The following COL14A1 variants were observed in gnomAD, a reference collection of about 807,000 sequenced individuals.
The protein encoded by COL14A1 is collagen type XIV alpha 1 chain.
COL14A1 carries 136 observed loss-of-function variants against 230.3 expected under a neutral mutation model. The ratio of observed to expected loss-of-function variants is 0.59; its 90% CI spans 0.51 to 0.68. The LOEUF (loss-of-function observed/expected upper bound fraction) is 0.68, where lower values mean the gene tolerates loss of function less well. Among genes scored for constraint, COL14A1 ranks in the 30% least tolerant of loss-of-function variants. The pLI is 0.00. For missense variants in COL14A1, 1,976 were observed against 2,215.8 expected (o/e 0.89, Z 2.17); for synonymous variants, 792 against 784.1 (o/e 1.01, Z -0.17).
Position 120,280,967 on chromosome 8 carries a change from A to C in COL14A1, c.3732A>C (p.Ser1244=), listed in dbSNP as rs1247673055. 1 of 1,608,980 alleles carries C rather than the reference A, an allele frequency of 6.2e-7. No individual in the cohort carries two copies. The highest frequency in any genetic ancestry group is 1.4e-5 in the African/African-American group (1 of 74,048). The part of the protein sequence containing the change: ...EMFGLVEKDF[S]SVEGVSMEPG... ...TTGGTTTGGTTGAAAAAGATTTTTC[A>C]TCAGTGGAAGGGGTTTCTATGGAGC... is the stretch of plus-strand genomic sequence containing the variant. Residue 1244 remains serine, a synonymous_variant, in exon 31 of 48, where the codon TCA becomes TCC. Transcript: ENST00000297848.
At chr8:120,354,386 T>G (rs1304313770) in intron 45 of COL14A1, among the ~76,000 whole-genome samples, 2 of 99,756 alleles carry the variant, frequency 2.0e-5, no homozygotes, top group African/African-American at 1.1e-4. Flanking sequence ...AAACTTAAAG[T>G]ATAATTAAAA....
intron 23 of COL14A1, among the ~76,000 whole-genome samples, chr8:120,259,124 C>A (rs1042106837): frequency 6.6e-6 from 1 of 152,126 alleles, no homozygotes; most frequent in Non-Finnish European, 1.5e-5. Flanking sequence ...ACCAGGTCCA[C>A]AGAAAGCATC....
chr8:120,270,172 C>T lies in COL14A1; in HGVS notation c.3211C>T (p.Gln1071Ter). Residue 1071 changes from glutamine to a stop codon, truncating the protein, a stop_gained and splice_region_variant, in exon 26 of 48, where the codon CAA (glutamine) becomes TAA (stop). Transcript: ENST00000297848. LOFTEE classifies it high-confidence loss of function. ...GAACAAGATTGGCACAGATGGAACC[C>T]AAGTAAGGCTAATAAATAATTAATT... ...ALNKIGTDGT[Q>*]VAMVQFTDDP... 1 of 1,608,178 alleles carries T rather than the reference C, an allele frequency of 6.2e-7. No individual in the cohort carries two copies. Among genetic ancestry groups the T allele is most frequent in the Non-Finnish European group, 8.5e-7 (1 of 1,176,988 alleles).
intron 3 of COL14A1, among the ~76,000 whole-genome samples, chr8:120,159,720 C>T (rs995994748): frequency 6.6e-6 from 1 of 152,046 alleles, no homozygotes; most frequent in African/African-American, 2.4e-5. Flanking sequence ...GACTGAGTTT[C>T]GCTCTTTGTT....
intron 5 of COL14A1, among the ~76,000 whole-genome samples, chr8:120,184,201 GGT>G (rs898402440): frequency 1.4e-5 from 2 of 147,386 alleles, no homozygotes; most frequent in Admixed American, 6.7e-5. Flanking sequence ...ATGTGTTTGT[GGT>G]GTGTGTGTGG....
chr8:120,280,850 A>G, intron 30 of COL14A1, 71 bp from the exon 31 acceptor site: 1 of 1,477,960 alleles, frequency 6.8e-7, no homozygotes. Context: ...ATAGAAAAAT[A>G]TTAAAATTTA....
At chr8:120,176,075 C>G (rs963352093) in intron 5 of COL14A1, among the ~76,000 whole-genome samples, 2 of 152,174 alleles carry the variant, frequency 1.3e-5, no homozygotes, top group African/African-American at 4.8e-5. Flanking sequence ...GCACTTACTA[C>G]ATGCGTAAAA....
At chr8:120,182,582 G>C (rs992417169) in intron 5 of COL14A1, among the ~76,000 whole-genome samples, 1 of 152,118 alleles carries the variant, frequency 6.6e-6, no homozygotes, top group African/African-American at 2.4e-5. Flanking sequence ...GGCTCCTGAA[G>C]TTGAGCAAAT....
intron 5 of COL14A1, 115 bp downstream of exon 5, chr8:120,168,362 A>T (rs1459964623): frequency 1.5e-6 from 1 of 687,470 alleles, no homozygotes; most frequent in African/African-American, 1.8e-5. Flanking sequence ...TAATACGAAG[A>T]TCGCCTGTGG....
chr8:120,366,203 G>A (rs1214458910), intron 45 of COL14A1, among the ~76,000 whole-genome samples: 1 of 152,184 alleles, frequency 6.6e-6, no homozygotes, highest in Non-Finnish European at 1.5e-5. Context: ...TATATTTAAA[G>A]TAAACAAATA....
At chr8:120,181,625 A>G (rs1326170021) in intron 5 of COL14A1, among the ~76,000 whole-genome samples, 1 of 152,216 alleles carries the variant, frequency 6.6e-6, no homozygotes, top group African/African-American at 2.4e-5. Context: ...AAAAATGTCT[A>G]AAGGCTTCTT....
chr8:120,250,568 A>G (rs372804448), intron 21 of COL14A1, 49 bp from the exon 22 acceptor site: 194 of 1,595,904 alleles, frequency 1.2e-4, no homozygotes, highest in Admixed American at 6.7e-4. Context: ...GAGTGCTTCT[A>G]TTTTCCCATA....
intron 17 of COL14A1, among the ~76,000 whole-genome samples, chr8:120,227,644 C>G (rs1455856457): frequency 6.6e-6 from 1 of 152,052 alleles, no homozygotes; most frequent in South Asian, 2.1e-4. Flanking sequence ...AAACACCCAT[C>G]AAATGGATGG....
intron 12 of COL14A1, among the ~76,000 whole-genome samples, chr8:120,210,368 A>G (rs1434169191): frequency 2.0e-5 from 3 of 152,114 alleles, no homozygotes; most frequent in African/African-American, 7.2e-5. Flanking sequence ...AATAGAGTTT[A>G]TTTTTCAAAG....
rs557551262 is a variant in COL14A1 at position 120,203,354 on chromosome 8, G to T, written c.878-355G>T. Among the ~76,000 whole-genome samples, 14 of 32,904 alleles carry T rather than the reference G, an allele frequency of 4.3e-4. No individual in the cohort carries two copies. In the African/African-American group the frequency reaches 4.9e-3, roughly 11 times the overall value. 21.6% of individuals were successfully genotyped at this position (32,904 alleles called of 152,430 possible). A position where few individuals can be genotyped will look rare whatever the true frequency, so the allele number is the denominator to read the frequency against. ...CTGAAACAGCCTCTCAGATGGGGGT[G>T]GGGGGGGGTCCCAAGTGTTGTTTAC... On this transcript the variant is annotated intron_variant, in intron 8 of 47. Transcript: ENST00000297848.
At chr8:120,185,725 T>C (rs943840826) in intron 5 of COL14A1, among the ~76,000 whole-genome samples, 1 of 152,150 alleles carries the variant, frequency 6.6e-6, no homozygotes, top group Admixed American at 6.5e-5. Flanking sequence ...TGCCGGTAAC[T>C]AGTAAGTCAG....
chr8:120,309,196 A>G (rs1426887525), intron 36 of COL14A1, among the ~76,000 whole-genome samples: 2 of 152,160 alleles, frequency 1.3e-5, no homozygotes, highest in Non-Finnish European at 2.9e-5. Context: ...TGGCCTCCCA[A>G]AGTGCTGGGA....
At chr8:120,256,111 A>G (rs928331482) in intron 23 of COL14A1, among the ~76,000 whole-genome samples, 2 of 152,176 alleles carry the variant, frequency 1.3e-5, no homozygotes, top group Non-Finnish European at 2.9e-5. Flanking sequence ...TAGAAAAGCT[A>G]TATCTTATTA....
chr8:120,209,683 T>C, intron 11 of COL14A1, 73 bp from the exon 12 acceptor site: 1 of 1,442,894 alleles, frequency 6.9e-7, no homozygotes, highest in Admixed American at 2.1e-5. Context: ...GTCAATCTTA[T>C]TTCTTGATAA....
Sources: allele counts gnomAD v4.1 joint callset (sites outside exome capture counted in the v4.1 genomes callset), GRCh38; gene constraint gnomAD v4.1.1; transcripts MANE v1.5; gene names NCBI Gene and HGNC (gene_info 2026-07-23, HGNC 2026-07-21).